Variants in GYS2 observed in about 807,000 individuals in gnomAD.
The protein encoded by GYS2 is glycogen [starch] synthase, liver.
A neutral mutation model predicts 85.6 loss-of-function variants in GYS2; 80 were observed. That is an observed-to-expected ratio of 0.93 (90% CI 0.78 to 1.13). The LOEUF (loss-of-function observed/expected upper bound fraction) is 1.13. Ranked by LOEUF, GYS2 falls within the 50% of genes most tolerant of loss-of-function variation. The pLI, the probability that GYS2 is intolerant of heterozygous loss-of-function variation, is 0.00. For missense variants in GYS2, 881 were observed against 854.9 expected (o/e 1.03, Z -0.38); for synonymous variants, 328 against 300.7 (o/e 1.09, Z -0.94).
At chr12:21,568,427 C>G (rs1438223549) in intron 5 of GYS2, among the ~76,000 whole-genome samples, 1 of 152,132 alleles carries the variant, frequency 6.6e-6, no homozygotes, top group Admixed American at 6.5e-5. Flanking sequence ...GAAAAATTTC[C>G]AAGGAATCTG....
Position 21,559,679 on chromosome 12 carries a change from C to T in GYS2, c.1201G>A (p.Gly401Arg), listed in dbSNP as rs757888229. Residue 401 changes from glycine (G) to arginine (R), a missense_variant, in exon 9 of 16, where the codon GGA becomes AGA. Coordinates refer to ENST00000261195, the MANE Select transcript of GYS2 (RefSeq NM_021957.4). ...DVAHSVKEKF[G>R]KKLYDALLRG... ...AATAATGCATCATAGAGTTTTTTTC[C>T]AAACTTTTCCTTCACAGAATGTGCA... The T allele has an allele frequency of 6.3e-7, 1 of 1,594,384 alleles. No individual in the cohort carries two copies. Among genetic ancestry groups the T allele is most frequent in the Non-Finnish European group, 8.6e-7 (1 of 1,162,436 alleles).
rs1480339525 is a variant in GYS2, at chr12:21,574,127, G to C, written c.678+17C>G. The C allele has an allele frequency of 6.3e-7, 1 of 1,578,830 alleles. No individual in the cohort carries two copies. The highest frequency in any genetic ancestry group is 8.7e-7 in the Non-Finnish European group (1 of 1,147,996). On this transcript the variant is annotated intron_variant, in intron 4 of 15. Transcript: ENST00000261195. ...GAAAGAAGGGTGAGTAAGAGGGAGGGAGGAAGGAATATTTACCTTATCAAG... is the reference window on the plus strand; with the variant it reads ...GAAAGAAGGGTGAGTAAGAGGGAGGCAGGAAGGAATATTTACCTTATCAAG...
chr12:21,558,333 G>A lies in GYS2; in HGVS notation c.1309-20C>T. The A allele has an allele frequency of 1.4e-6, 2 of 1,445,918 alleles. No individual in the cohort carries two copies. Among genetic ancestry groups the A allele is most frequent in the Non-Finnish European group, 1.9e-6 (2 of 1,026,418 alleles). The allele number at this position is 1,445,918 out of a possible 1,614,324, so 89.6% of individuals were successfully genotyped here. On this transcript the variant is annotated intron_variant, in intron 10 of 15. Transcript: ENST00000261195. ...CTGTCGCTGAAGTATGAGAGGGAAG[G>A]AAATATCAATTGCGGAAAGAATTAA...
chr12:21,580,345 G>A lies in GYS2; in HGVS notation c.300C>T (p.Cys100=). The A allele has an allele frequency of 6.2e-7, 1 of 1,612,854 alleles. No homozygotes were observed. The highest frequency in any genetic ancestry group is 8.5e-7 in the Non-Finnish European group (1 of 1,179,168). The change falls in exon 2 of 16, where the codon TGC becomes TGT. Residue 100 remains cysteine, a synonymous_variant. Transcript: ENST00000261195. The part of the protein sequence containing the change: ...RAVDAMNKHG[C]QVHFGRWLIE... ...AGTGAAGTGTCAGTTCCTTTACCTG[G>A]CAGCCATGCTTATTCATTGCGTCCA...
intron 14 of GYS2, among the ~76,000 whole-genome samples, chr12:21,539,725 C>T (rs989005738): frequency 6.6e-6 from 1 of 152,132 alleles, no homozygotes; most frequent in African/African-American, 2.4e-5. Flanking sequence ...AGAAACATCA[C>T]TTCTAAAAGC....
chr12:21,576,987 T>C (rs536146138), intron 2 of GYS2, among the ~76,000 whole-genome samples: 1 of 152,252 alleles, frequency 6.6e-6, no homozygotes, highest in East Asian at 1.9e-4. Context: ...ATTGCTTACA[T>C]ATTGACACTT....
intron 7 of GYS2, among the ~76,000 whole-genome samples, chr12:21,561,503 A>G (rs909372312): frequency 2.8e-5 from 2 of 70,638 alleles, no homozygotes. Context: ...AGGTGCTATC[A>G]AAAAATAAAT....
At chr12:21,596,901 G>A (rs1039909262) in intron 1 of GYS2, among the ~76,000 whole-genome samples, 11 of 152,078 alleles carry the variant, frequency 7.2e-5, no homozygotes, top group Middle Eastern at 3.2e-3. Context: ...ATTCAGCAAA[G>A]TTTCCAGATA....
Position 21,558,301 on chromosome 12 carries a change from G to A in GYS2, c.1321C>T (p.Pro441Ser), listed in dbSNP as rs774968202. ...AIFSTQRQSL[P>S]PVTTHNMIDD... The stretch of plus-strand genomic sequence containing the variant: ...ATCATGTTGTGCGTGGTCACTGGGG[G>A]CAATGACTGTCGCTGAAGTATGAGA... Residue 441 changes from proline (P) to serine (S), a missense_variant, in exon 11 of 16, where the codon CCC (proline) becomes TCC (serine). Transcript: ENST00000261195. 6.2e-7 allele frequency: 1 copy of A among 1,607,018 alleles called. No homozygotes were observed. Among genetic ancestry groups the A allele is most frequent in the Non-Finnish European group, 8.5e-7 (1 of 1,173,608 alleles).
intron 1 of GYS2, among the ~76,000 whole-genome samples, chr12:21,581,471 G>C (rs1358368293): frequency 6.6e-6 from 1 of 152,148 alleles, no homozygotes; most frequent in Non-Finnish European, 1.5e-5. Context: ...CCTTAAAAGG[G>C]ACAGGAATTG....
At chr12:21,571,747 G>T (rs1944388213) in intron 4 of GYS2, among the ~76,000 whole-genome samples, 1 of 152,246 alleles carries the variant, frequency 6.6e-6, no homozygotes. Flanking sequence ...CGGATGACGA[G>T]CTCAGGAGAT....
At chr12:21,556,621 T>A (rs1483753784) in intron 11 of GYS2, among the ~76,000 whole-genome samples, 1 of 152,236 alleles carries the variant, frequency 6.6e-6, no homozygotes, top group African/African-American at 2.4e-5. Context: ...ATATCTCACA[T>A]GTAACTCAAA....
intron 11 of GYS2, among the ~76,000 whole-genome samples, chr12:21,547,359 G>C (rs1171124776): frequency 1.3e-5 from 2 of 152,076 alleles, no homozygotes; most frequent in African/African-American, 4.8e-5. Flanking sequence ...CCAAAACTTG[G>C]AAGCAACACA....
intron 12 of GYS2, among the ~76,000 whole-genome samples, chr12:21,545,351 A>G (rs941573094): frequency 6.6e-6 from 1 of 152,204 alleles, no homozygotes. Flanking sequence ...CTGAGGCACG[A>G]GAATCTCTTG....
At chr12:21,555,800 G>A (rs1225103894) in intron 11 of GYS2, among the ~76,000 whole-genome samples, 2 of 152,106 alleles carry the variant, frequency 1.3e-5, no homozygotes, top group South Asian at 2.1e-4. Flanking sequence ...TGCAGCACCT[G>A]AAAAAGCCTT....
intron 5 of GYS2, among the ~76,000 whole-genome samples, chr12:21,566,418 C>A (rs2136889053): frequency 6.6e-6 from 1 of 151,754 alleles, no homozygotes; most frequent in South Asian, 2.1e-4. Flanking sequence ...AGTCCATTGA[C>A]CTTCTTGAGC....
At chr12:21,577,652 C>T (rs1944461394) in intron 2 of GYS2, among the ~76,000 whole-genome samples, 1 of 152,144 alleles carries the variant, frequency 6.6e-6, no homozygotes, top group African/African-American at 2.4e-5. Context: ...ATCTCAATTT[C>T]CCTTGTAAAT....
chr12:21,577,817 C>A (rs1944463561), intron 2 of GYS2, among the ~76,000 whole-genome samples: 1 of 152,164 alleles, frequency 6.6e-6, no homozygotes, highest in Non-Finnish European at 1.5e-5. Context: ...TCTACTGAAG[C>A]TTTTAAAGCC....
chr12:21,553,400 T>C (rs115280566), intron 11 of GYS2, among the ~76,000 whole-genome samples: 1,658 of 152,350 alleles, frequency 0.011, 29 homozygotes, highest in African/African-American at 0.036. Flanking sequence ...CCTGGAAATA[T>C]AGCTCAGCTT....
Sources: allele counts gnomAD v4.1 joint callset (sites outside exome capture counted in the v4.1 genomes callset), GRCh38; gene constraint gnomAD v4.1.1; transcripts MANE v1.5; gene names NCBI Gene and HGNC (gene_info 2026-07-23, HGNC 2026-07-21).